Variants in AFTPH observed in about 807,000 individuals in gnomAD.
AFTPH encodes aftiphilin protein.
In AFTPH, 7 loss-of-function variants were observed where a neutral mutation model predicts 72.5. The ratio of observed to expected loss-of-function variants is 0.10; its 90% CI spans 0.05 to 0.18. AFTPH has a LOEUF of 0.18. Among genes scored for constraint, AFTPH ranks in the 10% least tolerant of loss-of-function variants. The pLI, the probability that AFTPH is intolerant of heterozygous loss-of-function variation, is 1.00. For missense variants in AFTPH, 979 were observed against 1,060.5 expected (o/e 0.92, Z 1.07); for synonymous variants, 337 against 370.1 (o/e 0.91, Z 1.03).
chr2:64,540,835 A>G (rs1029961024), intron 1 of AFTPH, among the ~76,000 whole-genome samples: 1 of 152,080 alleles, frequency 6.6e-6, no homozygotes, highest in Non-Finnish European at 1.5e-5. Context: ...GAAACAAGAT[A>G]TTTGCTGCTT....
chr2:64,529,628 A>G (rs542660769), intron 1 of AFTPH, among the ~76,000 whole-genome samples: 2 of 138,046 alleles, frequency 1.4e-5, no homozygotes, highest in East Asian at 4.1e-4. Context: ...AAAAAAAACA[A>G]ATCACTTTTT....
chr2:64,572,410 G>A (rs1280418846), intron 5 of AFTPH, among the ~76,000 whole-genome samples: 3 of 152,094 alleles, frequency 2.0e-5, no homozygotes, highest in South Asian at 4.2e-4. Flanking sequence ...ATTATATGGC[G>A]TGTTTTACAA....
chr2:64,571,483 A>G (rs542040360), intron 5 of AFTPH, among the ~76,000 whole-genome samples: 3 of 152,338 alleles, frequency 2.0e-5, no homozygotes, highest in East Asian at 3.9e-4. Flanking sequence ...TGTATAATAC[A>G]TATGGTATTG....
intron 8 of AFTPH, among the ~76,000 whole-genome samples, chr2:64,590,591 C>G (rs1240197083): frequency 6.6e-6 from 1 of 152,150 alleles, no homozygotes; most frequent in Non-Finnish European, 1.5e-5. Context: ...ATAGTTTTGC[C>G]ACTATTTAAG....
At chr2:64,524,972 G>C (rs1278883750) in intron 1 of AFTPH, among the ~76,000 whole-genome samples, 1 of 152,236 alleles carries the variant, frequency 6.6e-6, no homozygotes, top group South Asian at 2.1e-4. Context: ...CTGTTCAGAA[G>C]TTTGGGGCTT....
At chr2:64,560,266 T>A (rs1047828197) in intron 2 of AFTPH, among the ~76,000 whole-genome samples, 1 of 152,060 alleles carries the variant, frequency 6.6e-6, no homozygotes, top group Non-Finnish European at 1.5e-5. Flanking sequence ...CATAAAGACA[T>A]GACAGAACTA....
chr2:64,567,726 CTG>C lies in AFTPH; in HGVS notation c.2087+15_2087+16del, dbSNP rs1242639553. The C allele has an allele frequency of 1.3e-6, 2 of 1,599,464 alleles. No homozygotes were observed. The highest frequency in any genetic ancestry group is 1.7e-6 in the Non-Finnish European group (2 of 1,175,362). On this transcript the variant is annotated intron_variant, in intron 3 of 8. Coordinates refer to ENST00000238856, the Ensembl canonical transcript of AFTPH. Reference sequence around the variant, plus strand: ...TACCTGAAAGTGGGTAAGTAGGAGACTGTTTTTAGATAGCATGTGTTTTTGTT... The same window carrying C: ...TACCTGAAAGTGGGTAAGTAGGAGACTTTTTAGATAGCATGTGTTTTTGTT...
At chr2:64,534,686 A>G (rs777491288) in intron 1 of AFTPH, among the ~76,000 whole-genome samples, 3 of 150,930 alleles carry the variant, frequency 2.0e-5, no homozygotes, top group Non-Finnish European at 4.4e-5. Context: ...TGCTGTTCAC[A>G]TAAGCATTTC....
At chr2:64,579,807 C>G (rs1318226359) in intron 7 of AFTPH, 2 of 341,754 alleles carry the variant, frequency 5.9e-6, no homozygotes, top group Non-Finnish European at 1.0e-5. Context: ...TTATTTTTTA[C>G]AAATATCTAG....
chr2:64,568,003 T>C (rs1019703967), intron 3 of AFTPH, among the ~76,000 whole-genome samples: 1 of 151,454 alleles, frequency 6.6e-6, no homozygotes, highest in Admixed American at 6.6e-5. Flanking sequence ...CCAAGATCAC[T>C]GCACTCCAGC....
At chr2:64,564,420 G>A (rs962231997) in intron 2 of AFTPH, among the ~76,000 whole-genome samples, 10 of 151,946 alleles carry the variant, frequency 6.6e-5, no homozygotes, top group Admixed American at 3.9e-4. Context: ...CATCCACCTC[G>A]TGAGGTAGAT....
intron 6 of AFTPH, among the ~76,000 whole-genome samples, chr2:64,578,225 TA>T (rs1165076228): frequency 6.6e-6 from 1 of 152,178 alleles, no homozygotes; most frequent in Non-Finnish European, 1.5e-5. Flanking sequence ...GCTCCTTTTC[TA>T]TAAAAAACAG....
At chr2:64,565,697 A>G (rs1022918616) in intron 2 of AFTPH, among the ~76,000 whole-genome samples, 1 of 152,232 alleles carries the variant, frequency 6.6e-6, no homozygotes, top group African/African-American at 2.4e-5. Context: ...CATATGGCCT[A>G]CAAGGCCTAA....
chr2:64,552,883 A>G (rs369012844), exon 2 of AFTPH: 17 of 1,614,074 alleles, frequency 1.1e-5, no homozygotes, highest in Non-Finnish European at 1.4e-5. Flanking sequence ...CACTTTCCAC[A>G]TTTTAGTGAA....
rs1166998247 is a variant in AFTPH at position 64,576,112 on chromosome 2, CACACACGT to C, written c.2394+3045_2394+3052del. 5.3e-3 allele frequency among the ~76,000 whole-genome samples: 607 copies of C among 113,872 alleles called. 7 individuals are homozygous for C. The highest frequency in any genetic ancestry group is 0.026 in the African/African-American group (462 of 18,018). 74.7% of individuals were successfully genotyped at this position (113,872 alleles called of 152,430 possible). ...ACACACACACACACACACACACACA[CACACACGT>C]GTGTCATACAAATGAAATACGTGTG... On this transcript the variant is annotated intron_variant, in intron 6 of 8. Transcript: ENST00000238856.
At chr2:64,587,780 AAAG>A (rs1261293478) in intron 8 of AFTPH, among the ~76,000 whole-genome samples, 4 of 152,190 alleles carry the variant, frequency 2.6e-5, no homozygotes, top group Non-Finnish European at 4.4e-5. Context: ...TGAGTTTTTT[AAAG>A]AAGTGCAAGT....
At chr2:64,574,924 A>G (rs1015010575) in intron 6 of AFTPH, among the ~76,000 whole-genome samples, 1 of 152,180 alleles carries the variant, frequency 6.6e-6, no homozygotes, top group African/African-American at 2.4e-5. Context: ...CTGCATTCTT[A>G]TTCCTACAGT....
chr2:64,557,008 CAA>C (rs1392305074), intron 2 of AFTPH, among the ~76,000 whole-genome samples: 1 of 152,152 alleles, frequency 6.6e-6, no homozygotes, highest in African/African-American at 2.4e-5. Flanking sequence ...TTTAAAACAA[CAA>C]AATGCAACAA....
At chr2:64,562,532 G>A (rs1257328879) in intron 2 of AFTPH, among the ~76,000 whole-genome samples, 1 of 152,068 alleles carries the variant, frequency 6.6e-6, no homozygotes, top group Non-Finnish European at 1.5e-5. Context: ...TACTTCCTGG[G>A]TAGGAACTCA....
Sources: gnomAD v4.1 joint callset for allele counts (sites outside exome capture counted in the v4.1 genomes callset) on GRCh38, gnomAD v4.1.1 for gene constraint, MANE v1.5 for transcripts, NCBI Gene and HGNC (gene_info 2026-07-23, HGNC 2026-07-21) for gene names.